APIP: variants seen among roughly 807,000 people sequenced by gnomAD.
The protein encoded by APIP is APAF1 interacting protein.
APIP carries 32 observed loss-of-function variants against 32.0 expected under a neutral mutation model. The observed-to-expected ratio is 1.00, with a 90% CI of 0.76 to 1.34. The LOEUF is 1.34. Among genes scored for constraint, APIP ranks in the 40% most tolerant of loss-of-function variants. The probability of loss-of-function intolerance (pLI) is 0.00; values close to 1 mark genes in which losing one functional copy is unlikely to be tolerated. For synonymous variants in APIP, 92 were observed against 94.8 expected (o/e 0.97, Z 0.17); for missense variants, 247 against 298.6 (o/e 0.83, Z 1.27).
At chr11:34,888,536 A>G in intron 4 of APIP, 108 bp from the exon 5 acceptor site, 1 of 1,460,584 alleles carries the variant, frequency 6.8e-7, no homozygotes, top group Non-Finnish European at 9.1e-7. Flanking sequence ...TTATGGGCTT[A>G]TTTTTCCTGG....
At chr11:34,895,519 T>A (rs544586373) in intron 1 of APIP, among the ~76,000 whole-genome samples, 1 of 152,366 alleles carries the variant, frequency 6.6e-6, no homozygotes, top group African/African-American at 2.4e-5. Context: ...CATGAGATAT[T>A]ATGATAGTTA....
rs925840873 is a variant in APIP, at chr11:34,889,561, G to C, written c.208-692C>G. 2.6e-5 allele frequency among the ~76,000 whole-genome samples: 4 copies of C among 151,970 alleles called. No individual in the cohort carries two copies. The Middle Eastern group carries it at 0.014, about 517-fold the overall frequency. On this transcript the variant is annotated intron_variant, in intron 3 of 6. Coordinates refer to ENST00000395787, the MANE Select transcript of APIP (RefSeq NM_015957.4). Reference sequence around the variant, plus strand: ...GTAAATTGCATGTTACAAGAGTCTGGTGTACAGATTATTTTGTCACCCATG... The same window carrying C: ...GTAAATTGCATGTTACAAGAGTCTGCTGTACAGATTATTTTGTCACCCATG...
At position 34,883,370 on chromosome 11, in the gene APIP, A is replaced by G. The variant is rs1014060494; in HGVS notation, c.596T>C (p.Val199Ala). ...GGCCTTCTCCCATGTTTCCCCCCAC[A>G]CATATACTCCATGACGTCTGACCAG... The part of the protein sequence containing the change: ...AVLVRRHGVY[V>A]WGETWEKAKT... The change falls in exon 6 of 7, where the codon GTG (valine) becomes GCG (alanine). Residue 199 changes from valine (V) to alanine (A), a missense_variant. By Grantham distance (64) the Val-to-Ala change is moderately conservative (BLOSUM62 0). Transcript: ENST00000395787. 7 of 1,612,782 alleles carry G rather than the reference A, an allele frequency of 4.3e-6. No homozygotes were observed. The Admixed American group carries it at 6.7e-5, about 15-fold the overall frequency.
intron 1 of APIP, among the ~76,000 whole-genome samples, chr11:34,903,894 C>G (rs1590712012): frequency 6.6e-6 from 1 of 152,218 alleles, no homozygotes; most frequent in Non-Finnish European, 1.5e-5. Context: ...AAATCCTTCA[C>G]CAAGGTTTTC....
chr11:34,910,372 T>A (rs939528512), intron 1 of APIP, among the ~76,000 whole-genome samples: 1 of 152,242 alleles, frequency 6.6e-6, no homozygotes, highest in Non-Finnish European at 1.5e-5. Flanking sequence ...CATGGAGTTC[T>A]AATGACTCTT....
chr11:34,890,543 G>C lies in APIP; in HGVS notation c.168C>G (p.Ile56Met). 6.2e-7 allele frequency: 1 copy of C among 1,609,910 alleles called. No homozygotes were observed. The highest frequency in any genetic ancestry group is 8.5e-7 in the Non-Finnish European group (1 of 1,177,800). The change falls in exon 3 of 7, where the codon ATC becomes ATG. Residue 56 changes from isoleucine to methionine, a missense_variant. By Grantham distance (10) the Ile-to-Met change is conservative. Transcript: ENST00000395787. ...TTTGCACTCCTGAAGGAGCAATGTA[G>C]ATTTCATCGCTGGCAACACAAAACA... ...GGISLKHGDEIYIAPSGVQKE... is the reference protein window; with the variant it reads ...GGISLKHGDEMYIAPSGVQKE...
rs181798716 is a variant in APIP, at chr11:34,910,496, T to C, written c.57+5732A>G. Among the ~76,000 whole-genome samples, 44 of 152,146 alleles carry C rather than the reference T, an allele frequency of 2.9e-4. No homozygotes were observed. In the East Asian group the frequency reaches 7.7e-3, roughly 27 times the overall value. On this transcript the variant is annotated intron_variant, in intron 1 of 6. Transcript: ENST00000395787. ...GGTAACATGAGGAGACAGGGAAAGA[T>C]TAAACATACAGGAAAGCAGAGGTCT...
At chr11:34,911,661 C>G (rs572053119) in intron 1 of APIP, among the ~76,000 whole-genome samples, 1 of 152,236 alleles carries the variant, frequency 6.6e-6, no homozygotes, top group East Asian at 1.9e-4. Flanking sequence ...ACAATGGGCC[C>G]ATAATACTCC....
chr11:34,901,498 T>C (rs141531481), intron 1 of APIP, among the ~76,000 whole-genome samples: 3 of 152,146 alleles, frequency 2.0e-5, no homozygotes, highest in African/African-American at 7.2e-5. Flanking sequence ...GTAGATCTCC[T>C]TCTGGATACT....
chr11:34,908,103 G>C (rs1565139642), intron 1 of APIP, among the ~76,000 whole-genome samples: 1 of 152,200 alleles, frequency 6.6e-6, no homozygotes, highest in African/African-American at 2.4e-5. Context: ...TGTTACAACT[G>C]ATTCAAAAGG....
chr11:34,889,213 T>C (rs1022627113), intron 3 of APIP, among the ~76,000 whole-genome samples: 1 of 152,110 alleles, frequency 6.6e-6, no homozygotes, highest in African/African-American at 2.4e-5. Context: ...ATTTATGTAA[T>C]GATGTTACTG....
At chr11:34,901,397 C>T (rs993867686) in intron 1 of APIP, among the ~76,000 whole-genome samples, 1 of 151,846 alleles carries the variant, frequency 6.6e-6, no homozygotes. Flanking sequence ...TGATGGGTCC[C>T]GGGGGCTCAA....
intron 1 of APIP, among the ~76,000 whole-genome samples, chr11:34,900,867 C>A (rs1041751985): frequency 6.6e-6 from 1 of 152,012 alleles, no homozygotes; most frequent in Non-Finnish European, 1.5e-5. Flanking sequence ...TTACTCTAAA[C>A]TGTCCATGAT....
intron 1 of APIP, among the ~76,000 whole-genome samples, chr11:34,895,912 A>T (rs1181858720): frequency 6.6e-6 from 1 of 152,210 alleles, no homozygotes; most frequent in East Asian, 1.9e-4. Context: ...AATGAATTCC[A>T]TTTTGGGCAG....
At position 34,911,347 on chromosome 11, in the gene APIP, T is replaced by TA. The variant is rs1454375490; in HGVS notation, c.57+4880dup. ...GACACTGTGATAGTTAAGGTAAAAT[T>TA]AAAAAAATAGAAGTAGTCCCTACCT... On this transcript the variant is annotated intron_variant, in intron 1 of 6. Transcript: ENST00000395787. 1.2e-4 allele frequency among the ~76,000 whole-genome samples: 19 copies of TA among 152,168 alleles called. No homozygotes were observed. The East Asian group carries it at 2.1e-3, about 17-fold the overall frequency.
At chr11:34,892,131 G>T (rs1590705060) in intron 2 of APIP, among the ~76,000 whole-genome samples, 2 of 152,162 alleles carry the variant, frequency 1.3e-5, no homozygotes, top group East Asian at 1.9e-4. Flanking sequence ...TGAACTTTGG[G>T]TAATTAAAAG....
At chr11:34,890,665 G>A (rs1201412263) in intron 2 of APIP, 113 bp from the exon 3 acceptor site, 7 of 1,107,928 alleles carry the variant, frequency 6.3e-6, no homozygotes, top group South Asian at 1.5e-5. Context: ...ACAGCCAGTT[G>A]CTTGATTTAA....
intron 1 of APIP, among the ~76,000 whole-genome samples, chr11:34,898,419 C>G (rs572604984): frequency 6.6e-6 from 1 of 152,060 alleles, no homozygotes; most frequent in Admixed American, 6.5e-5. Flanking sequence ...CTTACCATCG[C>G]GTGAGGCTGG....
At chr11:34,910,166 T>C (rs571882877) in intron 1 of APIP, among the ~76,000 whole-genome samples, 1 of 152,310 alleles carries the variant, frequency 6.6e-6, no homozygotes, top group Non-Finnish European at 1.5e-5. Flanking sequence ...TCTCCAGCAA[T>C]GTTCAGCTGC....
Sources: allele counts gnomAD v4.1 joint callset (sites outside exome capture counted in the v4.1 genomes callset), GRCh38; gene constraint gnomAD v4.1.1; transcripts MANE v1.5; gene names NCBI Gene and HGNC (gene_info 2026-07-23, HGNC 2026-07-21).